The following LCLAT1 variants were observed in gnomAD, a reference collection of about 807,000 sequenced individuals.
LCLAT1 encodes lysocardiolipin acyltransferase 1.
Under a neutral mutation model 30.7 loss-of-function variants are expected in LCLAT1, and 11 were observed. The observed-to-expected ratio is 0.36, with a 90% CI of 0.23 to 0.59. The LOEUF (loss-of-function observed/expected upper bound fraction) is 0.59, where lower values mean the gene tolerates loss of function less well. LCLAT1 is among the 20% of genes least tolerant of loss of function. The pLI is 0.77. For synonymous variants in LCLAT1, 155 were observed against 151.3 expected (o/e 1.02, Z -0.18); for missense variants, 402 against 458.6 (o/e 0.88, Z 1.13).
chr2:30,514,645 A>G (rs1685100508), intron 1 of LCLAT1, among the ~76,000 whole-genome samples: 1 of 152,166 alleles, frequency 6.6e-6, no homozygotes, highest in African/African-American at 2.4e-5. Context: ...GTTTTCCCCT[A>G]ACCTCCTAAC....
chr2:30,481,751 C>G (rs1683334041), intron 1 of LCLAT1, among the ~76,000 whole-genome samples: 1 of 152,108 alleles, frequency 6.6e-6, no homozygotes. Context: ...AGTGAGGAAG[C>G]AGAGACCGTG....
intron 5 of LCLAT1, among the ~76,000 whole-genome samples, chr2:30,631,689 T>C (rs1668778217): frequency 6.6e-6 from 1 of 152,240 alleles, no homozygotes; most frequent in African/African-American, 2.4e-5. Flanking sequence ...AAATTTCAGA[T>C]GTTTTCACTG....
chr2:30,637,012 A>T (rs946021115), intron 5 of LCLAT1, among the ~76,000 whole-genome samples: 4 of 152,204 alleles, frequency 2.6e-5, no homozygotes, highest in African/African-American at 9.7e-5. Context: ...CAGATGTTAG[A>T]AGCAGAAGTA....
At chr2:30,585,774 C>T (rs780444784) in intron 5 of LCLAT1, among the ~76,000 whole-genome samples, 6 of 152,182 alleles carry the variant, frequency 3.9e-5, no homozygotes, top group Non-Finnish European at 8.8e-5. Context: ...TTGGGTGGCA[C>T]ACAGTCAGCA....
intron 5 of LCLAT1, among the ~76,000 whole-genome samples, chr2:30,572,437 C>G (rs1193259476): frequency 6.6e-6 from 1 of 152,182 alleles, no homozygotes; most frequent in East Asian, 1.9e-4. Flanking sequence ...CAAGCTCAGA[C>G]CTATTGAATC....
chr2:30,448,784 T>C (rs1175568449), intron 1 of LCLAT1, among the ~76,000 whole-genome samples: 1 of 152,202 alleles, frequency 6.6e-6, no homozygotes, highest in Non-Finnish European at 1.5e-5. Flanking sequence ...TATGGGTGGA[T>C]TCTAGTCCAA....
intron 3 of LCLAT1, chr2:30,552,453 G>T: frequency 2.4e-6 from 1 of 408,300 alleles, no homozygotes; most frequent in Non-Finnish European, 5.0e-6. Context: ...ATTATTACTT[G>T]CTCATATTTT....
chr2:30,525,197 G>C (rs1406314516), intron 1 of LCLAT1, among the ~76,000 whole-genome samples: 1 of 151,854 alleles, frequency 6.6e-6, no homozygotes, highest in East Asian at 1.9e-4. Flanking sequence ...ATCTACCTCA[G>C]CCTCCCACGT....
chr2:30,465,158 A>T (rs1558454441), intron 1 of LCLAT1, among the ~76,000 whole-genome samples: 2 of 152,202 alleles, frequency 1.3e-5, no homozygotes, highest in Non-Finnish European at 2.9e-5. Flanking sequence ...CTTGATGTCT[A>T]GGGCACTTAT....
intron 1 of LCLAT1, among the ~76,000 whole-genome samples, chr2:30,452,842 C>T (rs181688789): frequency 1.3e-5 from 2 of 152,116 alleles, no homozygotes; most frequent in Admixed American, 1.3e-4. Flanking sequence ...AAAAGTCTTA[C>T]AAGTTTTATT....
At chr2:30,499,434 G>A (rs905638235) in intron 1 of LCLAT1, among the ~76,000 whole-genome samples, 9 of 152,112 alleles carry the variant, frequency 5.9e-5, no homozygotes, top group Non-Finnish European at 8.8e-5. Context: ...TGCCCACCTC[G>A]GCCTCCCAAA....
At chr2:30,459,667 G>A (rs900583599) in intron 1 of LCLAT1, 9 of 1,614,094 alleles carry the variant, frequency 5.6e-6, no homozygotes, top group African/African-American at 2.7e-5. Context: ...GTCAATTAAC[G>A]AGGCAGTTTC....
chr2:30,451,960 C>G (rs1394799463), intron 1 of LCLAT1, among the ~76,000 whole-genome samples: 3 of 152,208 alleles, frequency 2.0e-5, no homozygotes, highest in Non-Finnish European at 4.4e-5. Context: ...ATGTATCTTA[C>G]AGACATAAGT....
intron 3 of LCLAT1, among the ~76,000 whole-genome samples, chr2:30,533,750 T>G (rs958031186): frequency 6.6e-6 from 1 of 152,250 alleles, no homozygotes; most frequent in African/African-American, 2.4e-5. Flanking sequence ...GCTGGTACTT[T>G]CTGAACTTCC....
At chr2:30,466,987 C>T (rs1258864637) in intron 1 of LCLAT1, among the ~76,000 whole-genome samples, 3 of 152,058 alleles carry the variant, frequency 2.0e-5, no homozygotes, top group Admixed American at 6.6e-5. Flanking sequence ...ATGTGCACAA[C>T]GTGCAGGTTT....
At chr2:30,487,306 A>G (rs1358310819) in intron 1 of LCLAT1, among the ~76,000 whole-genome samples, 2 of 152,198 alleles carry the variant, frequency 1.3e-5, no homozygotes, top group Non-Finnish European at 2.9e-5. Flanking sequence ...AGTTAACTTC[A>G]TTTATTTTAG....
intron 5 of LCLAT1, among the ~76,000 whole-genome samples, chr2:30,623,017 C>G (rs117016120): frequency 6.6e-6 from 1 of 151,524 alleles, no homozygotes; most frequent in African/African-American, 2.4e-5. Context: ...CAAGGAGGCA[C>G]CAGAGAAAGG....
chr2:30,605,179 G>C (rs937403614), intron 5 of LCLAT1, among the ~76,000 whole-genome samples: 1 of 152,212 alleles, frequency 6.6e-6, no homozygotes, highest in African/African-American at 2.4e-5. Flanking sequence ...AGCATTTATA[G>C]TGCGGAGATT....
In LCLAT1 at chr2:30,592,330, A is replaced by G. The variant is rs1310802221; in HGVS notation, c.628+24154A>G. Among the ~76,000 whole-genome samples, 5 of 152,168 alleles carry G rather than the reference A, an allele frequency of 3.3e-5. No individual in the cohort carries two copies. In the East Asian group the frequency reaches 9.7e-4, roughly 29 times the overall value. On this transcript the variant is annotated intron_variant, in intron 5 of 5. Coordinates refer to ENST00000379509, the MANE Select transcript of LCLAT1 (RefSeq NM_001002257.3). Reference sequence around the variant, plus strand: ...ACCCTGTCTCTACAAATAATAAAATATTAGCCAGGCATGGTGGCACATGCC... The same window carrying G: ...ACCCTGTCTCTACAAATAATAAAATGTTAGCCAGGCATGGTGGCACATGCC...
Sources: gnomAD v4.1 joint callset for allele counts (sites outside exome capture counted in the v4.1 genomes callset) on GRCh38, gnomAD v4.1.1 for gene constraint, MANE v1.5 for transcripts, NCBI Gene and HGNC (gene_info 2026-07-23, HGNC 2026-07-21) for gene names.